TLN2: variants seen among roughly 807,000 people sequenced by gnomAD.
TLN2 encodes talin-2.
A neutral mutation model predicts 294.7 loss-of-function variants in TLN2; 118 were observed. The observed-to-expected ratio is 0.40, with a 90% CI of 0.34 to 0.47. TLN2 has a LOEUF of 0.47. Among genes scored for constraint, TLN2 ranks in the 20% least tolerant of loss-of-function variants. The probability of loss-of-function intolerance (pLI) is 0.84; values close to 1 mark genes in which losing one functional copy is unlikely to be tolerated. For missense variants in TLN2, 3,083 were observed against 3,282.2 expected, an observed-to-expected ratio of 0.94 and a Z score of 1.48; for synonymous variants, 1,431 against 1,304.5, an observed-to-expected ratio of 1.10 and a Z score of -2.09.
intron 2 of TLN2, among the ~76,000 whole-genome samples, chr15:62,613,541 C>T (rs977479907): frequency 6.6e-6 from 1 of 152,144 alleles, no homozygotes; most frequent in Non-Finnish European, 1.5e-5. Flanking sequence ...ATTGATCATA[C>T]ACCTATCATG....
At chr15:62,640,022 G>T in intron 3 of TLN2, 1 of 394,980 alleles carries the variant, frequency 2.5e-6, no homozygotes. Flanking sequence ...CTCAGTGCCT[G>T]GAGTCTGAAT....
At chr15:62,531,715 G>A (rs1489804051) in intron 1 of TLN2, among the ~76,000 whole-genome samples, 2 of 152,140 alleles carry the variant, frequency 1.3e-5, no homozygotes, top group African/African-American at 2.4e-5. Flanking sequence ...TAATTCAGTC[G>A]AAGGTATCCA....
At chr15:62,492,482 G>T (rs971027152) in intron 1 of TLN2, among the ~76,000 whole-genome samples, 1 of 151,290 alleles carries the variant, frequency 6.6e-6, no homozygotes, top group African/African-American at 2.4e-5. Flanking sequence ...CCTGAATCCG[G>T]GAGGCAGAAG....
intron 3 of TLN2, among the ~76,000 whole-genome samples, chr15:62,635,852 C>T (rs8042833): frequency 0.58 from 87,688 of 151,952 alleles, 25,681 homozygotes; most frequent in Middle Eastern, 0.7. Context: ...TTCCCATTTT[C>T]CTGCATCCCT....
rs1251653929 is a variant in TLN2 at position 62,835,953 on chromosome 15, A to G, written c.7254A>G (p.Gly2418=). ...LCEAANASVQ[G]HASEEKLISS... ...AGGCGGCCAATGCCTCCGTTCAGGG[A>G]CACGCCAGCGAGGAGAAGCTCATCT... The change falls in exon 57 of 59, where the codon GGA becomes GGG. Residue 2418 remains glycine (G), a synonymous_variant. Coordinates refer to ENST00000636159, the MANE Select transcript of TLN2 (RefSeq NM_015059.3). The G allele has an allele frequency of 6.2e-7, 1 of 1,614,070 alleles. No individual in the cohort carries two copies. Among genetic ancestry groups the G allele is most frequent in the African/African-American group, 1.3e-5 (1 of 74,936 alleles).
chr15:62,501,993 C>T (rs1209685946), intron 1 of TLN2, among the ~76,000 whole-genome samples: 1 of 152,152 alleles, frequency 6.6e-6, no homozygotes, highest in Non-Finnish European at 1.5e-5. Flanking sequence ...GATACCACTG[C>T]ATGTGATATG....
At chr15:62,775,301 G>A (rs527969727) in intron 42 of TLN2, among the ~76,000 whole-genome samples, 16 of 152,186 alleles carry the variant, frequency 1.1e-4, no homozygotes, top group South Asian at 4.1e-4. Flanking sequence ...CCTTCTGTAC[G>A]AATAAAAATG....
intron 1 of TLN2, among the ~76,000 whole-genome samples, chr15:62,396,102 A>C (rs147955498): frequency 2.0e-5 from 3 of 152,124 alleles, no homozygotes; most frequent in Non-Finnish European, 4.4e-5. Context: ...CCAAAGTGCT[A>C]TGATTACAGG....
At chr15:62,530,576 C>T (rs1295754421) in intron 1 of TLN2, among the ~76,000 whole-genome samples, 7 of 152,210 alleles carry the variant, frequency 4.6e-5, no homozygotes, top group Admixed American at 2.0e-4. Flanking sequence ...AGGCTGGTCT[C>T]GAACTCCGGA....
At chr15:62,425,520 A>G (rs762739863) in intron 1 of TLN2, among the ~76,000 whole-genome samples, 2 of 152,136 alleles carry the variant, frequency 1.3e-5, no homozygotes, top group Non-Finnish European at 2.9e-5. Flanking sequence ...AGCTGCGTGG[A>G]TTTTTATAGA....
intron 45 of TLN2, among the ~76,000 whole-genome samples, chr15:62,788,489 A>G (rs2064854195): frequency 6.6e-6 from 1 of 152,144 alleles, no homozygotes; most frequent in Non-Finnish European, 1.5e-5. Context: ...GTCCTACCGC[A>G]TGTCAGATGC....
chr15:62,738,161 A>G lies in TLN2; in HGVS notation c.3568-53A>G, dbSNP rs149972133. On this transcript the variant is annotated intron_variant, in intron 29 of 58. Coordinates refer to ENST00000636159, the MANE Select transcript of TLN2 (RefSeq NM_015059.3). ...CATGTTTCACTGCCCATTCCCAACA[A>G]ATGTGCAGAAATGTTTGTACTTAAA... 1,572 of 1,598,722 alleles carry G rather than the reference A, an allele frequency of 9.8e-4. 8 individuals carry two copies. In the East Asian group the frequency reaches 0.017, roughly 18 times the overall value.
intron 1 of TLN2, among the ~76,000 whole-genome samples, chr15:62,561,810 G>A (rs1211284627): frequency 6.6e-6 from 1 of 152,010 alleles, no homozygotes; most frequent in African/African-American, 2.4e-5. Context: ...AATTCTCCCT[G>A]CTGCTTCCTC....
chr15:62,425,482 A>T (rs1347449500), intron 1 of TLN2, among the ~76,000 whole-genome samples: 4 of 152,212 alleles, frequency 2.6e-5, no homozygotes, highest in Non-Finnish European at 5.9e-5. Context: ...GGATCCTGTC[A>T]TAAGACAAAG....
At chr15:62,687,598 A>G (rs114403434) in intron 12 of TLN2, among the ~76,000 whole-genome samples, 226 of 152,344 alleles carry the variant, frequency 1.5e-3, no homozygotes, top group African/African-American at 5.3e-3. Context: ...AAGATGTGCA[A>G]TAAGAAAAAT....
chr15:62,750,852 A>C lies in TLN2; in HGVS notation c.4209+361A>C, dbSNP rs570152348. Among the ~76,000 whole-genome samples, 4 of 152,300 alleles carry C rather than the reference A, an allele frequency of 2.6e-5. No homozygotes were observed. In the South Asian group the frequency reaches 8.3e-4, roughly 32 times the overall value. ...CACAAATGGGTCTTATTGTAAGTCA[A>C]ATCGTGTATTTTCTACACCGGAACT... is the stretch of plus-strand genomic sequence containing the variant. On this transcript the variant is annotated intron_variant, in intron 34 of 58. Transcript: ENST00000636159.
chr15:62,497,943 G>C lies in TLN2; in HGVS notation c.-237-91744G>C, dbSNP rs553553092. Among the ~76,000 whole-genome samples, 7 of 152,026 alleles carry C rather than the reference G, an allele frequency of 4.6e-5. No individual in the cohort carries two copies. The South Asian group carries it at 1.5e-3, about 32-fold the overall frequency. On this transcript the variant is annotated intron_variant, in intron 1 of 58. Coordinates refer to ENST00000636159, the MANE Select transcript of TLN2 (RefSeq NM_015059.3). ...AGGAAAGGCCCATGCTTCCTGTCTT[G>C]AGAAATTTAAAGTATGGAATTTGGC...
intron 2 of TLN2, among the ~76,000 whole-genome samples, chr15:62,598,019 A>C (rs2046677334): frequency 6.6e-6 from 1 of 152,126 alleles, no homozygotes; most frequent in African/African-American, 2.4e-5. Context: ...GTATTGGAGA[A>C]TCACCCCAGG....
intron 3 of TLN2, among the ~76,000 whole-genome samples, chr15:62,643,029 G>T (rs189027012): frequency 6.6e-6 from 1 of 152,186 alleles, no homozygotes; most frequent in Admixed American, 6.5e-5. Flanking sequence ...TTGCTATAGG[G>T]TAAGTCATAG....
Sources: gnomAD v4.1 joint callset for allele counts (sites outside exome capture counted in the v4.1 genomes callset) on GRCh38, gnomAD v4.1.1 for gene constraint, MANE v1.5 for transcripts, NCBI Gene and HGNC (gene_info 2026-07-23, HGNC 2026-07-21) for gene names.